PCDHA1: variants seen among roughly 807,000 people sequenced by gnomAD.
PCDHA1 encodes protocadherin alpha 1.
In PCDHA1, 42 loss-of-function variants were observed where a neutral mutation model predicts 61.3. The ratio of observed to expected loss-of-function variants is 0.69; its 90% CI spans 0.54 to 0.89. The LOEUF (loss-of-function observed/expected upper bound fraction) is 0.89. Among genes scored for constraint, PCDHA1 ranks in the 40% least tolerant of loss-of-function variants. The pLI, the probability that PCDHA1 is intolerant of heterozygous loss-of-function variation, is 0.00. For missense variants in PCDHA1, 1,256 were observed against 1,235.3 expected (o/e 1.02, Z -0.25); for synonymous variants, 610 against 553.8 (o/e 1.10, Z -1.43).
intron 1 of PCDHA1, chr5:140,968,123 C>T (rs782499744): frequency 1.1e-5 from 17 of 1,614,058 alleles, no homozygotes; most frequent in Admixed American, 3.3e-5. Context: ...CACATCCCTG[C>T]GTACACTGAA....
intron 1 of PCDHA1, chr5:140,823,401 G>GT: frequency 1.2e-6 from 2 of 1,613,022 alleles, no homozygotes; most frequent in Non-Finnish European, 1.7e-6. Flanking sequence ...CGGGCGTGCC[G>GT]CCTCTGGGCA....
chr5:140,807,584 T>G (rs76522243), intron 1 of PCDHA1: 118 of 1,614,014 alleles, frequency 7.3e-5, no homozygotes, highest in Non-Finnish European at 1.0e-4. Flanking sequence ...CCCGCCGGTG[T>G]TCCCAGCAAC....
intron 1 of PCDHA1, chr5:140,928,746 C>G (rs782813323): frequency 1.2e-6 from 2 of 1,614,012 alleles, no homozygotes; most frequent in Non-Finnish European, 1.7e-6. Flanking sequence ...TAGGTGAGCT[C>G]CGTACTGCTC....
At chr5:140,890,313 G>T (rs1191082730) in intron 1 of PCDHA1, among the ~76,000 whole-genome samples, 2 of 152,112 alleles carry the variant, frequency 1.3e-5, no homozygotes, top group South Asian at 2.1e-4. Context: ...ATATTAAGTT[G>T]TTTTAAGATA....
chr5:140,933,503 AAAGACT>A (rs2089194435), intron 1 of PCDHA1, among the ~76,000 whole-genome samples: 1 of 152,098 alleles, frequency 6.6e-6, no homozygotes, highest in Non-Finnish European at 1.5e-5. Flanking sequence ...ATTGTTAAGC[AAAGACT>A]ACAGCTGTTT....
chr5:140,890,341 T>C (rs2062601372), intron 1 of PCDHA1, among the ~76,000 whole-genome samples: 1 of 152,190 alleles, frequency 6.6e-6, no homozygotes, highest in Non-Finnish European at 1.5e-5. Context: ...GTTGGGATGG[T>C]TTACTATATA....
At chr5:140,841,094 G>C in intron 1 of PCDHA1, 1 of 568,882 alleles carries the variant, frequency 1.8e-6, no homozygotes, top group Non-Finnish European at 3.0e-6. Context: ...GAAGAACCCA[G>C]ATATTGCGGA....
chr5:140,955,726 C>T (rs934215613), intron 1 of PCDHA1, among the ~76,000 whole-genome samples: 1 of 152,264 alleles, frequency 6.6e-6, no homozygotes, highest in East Asian at 1.9e-4. Context: ...ACCATTGAAT[C>T]TATAAATTAC....
intron 1 of PCDHA1, chr5:140,822,877 A>T (rs1554128927): frequency 1.9e-6 from 3 of 1,614,196 alleles, no homozygotes; most frequent in Admixed American, 1.7e-5. Context: ...CAGCACGGTC[A>T]TTGCTCTGAT....
intron 1 of PCDHA1, chr5:140,834,434 T>A: frequency 6.2e-7 from 1 of 1,610,706 alleles, no homozygotes; most frequent in Non-Finnish European, 8.5e-7. Context: ...TACTGCTGTT[T>A]ATTATAATTC....
chr5:140,924,895 AAAAAAAAAAATAAAATAAAAT>A (rs1361418672), intron 1 of PCDHA1, among the ~76,000 whole-genome samples: 1,915 of 132,218 alleles, frequency 0.014, 23 homozygotes, highest in Admixed American at 0.024. Context: ...AACCTGTCTC[AAAAAAAAAAATAAAATAAAAT>A]AAAATAAAAT....
At chr5:140,927,598 T>G (rs2084398863) in intron 1 of PCDHA1, 1 of 1,614,046 alleles carries the variant, frequency 6.2e-7, no homozygotes, top group African/African-American at 1.3e-5. Flanking sequence ...ATTTGAGCGC[T>G]CCGTATACCG....
rs1342030965 is a variant in PCDHA1 at position 140,955,208 on chromosome 5, C to G, written c.2395-23741C>G. ...GGTGTATATGAAGTCAATCAAGTAG[C>G]ATGATGCCTCCAGCTTTGTTCTTTT... On this transcript the variant is annotated intron_variant, in intron 1 of 3. Transcript: ENST00000504120. 2.6e-5 allele frequency among the ~76,000 whole-genome samples: 4 copies of G among 152,140 alleles called. No individual in the cohort carries two copies. In the East Asian group the frequency reaches 7.7e-4, roughly 29 times the overall value.
At chr5:140,855,766 C>T in intron 1 of PCDHA1, 2 of 379,872 alleles carry the variant, frequency 5.3e-6, no homozygotes, top group South Asian at 9.3e-5. Flanking sequence ...AGTCCATAGA[C>T]ATAAAAATAC....
At chr5:140,827,753 TTTAAA>T (rs1769386712) in intron 1 of PCDHA1, among the ~76,000 whole-genome samples, 1 of 152,340 alleles carries the variant, frequency 6.6e-6, no homozygotes, top group South Asian at 2.1e-4. Context: ...GATCCCTTAC[TTTAAA>T]TTAATAAAAG....
chr5:140,824,218 A>T, intron 1 of PCDHA1: 1 of 1,564,370 alleles, frequency 6.4e-7, no homozygotes. Flanking sequence ...TTTAAAAATT[A>T]TGTCTTAGTA....
intron 1 of PCDHA1, among the ~76,000 whole-genome samples, chr5:140,873,862 T>A (rs188055479): frequency 4.1e-4 from 62 of 152,308 alleles, no homozygotes; most frequent in Admixed American, 1.1e-3. Context: ...GTTTTCACCA[T>A]GTTGGCCAGG....
chr5:140,972,758 A>G lies in PCDHA1; in HGVS notation c.2395-6191A>G, dbSNP rs563540989. Among the ~76,000 whole-genome samples, 16 of 150,884 alleles carry G rather than the reference A, an allele frequency of 1.1e-4. No individual in the cohort carries two copies. In the South Asian group the frequency reaches 3.4e-3, roughly 32 times the overall value. On this transcript the variant is annotated intron_variant, in intron 1 of 3. Transcript: ENST00000504120. ...GGCTCACTGCAACCTCCGCCTCCCA[A>G]GTTAAAGTGATTCTTCTGCCTCAGC...
In PCDHA1 at chr5:140,787,503, T is replaced by G; in HGVS notation, c.1213T>G (p.Tyr405Asp). 1 of 1,614,212 alleles carries G rather than the reference T, an allele frequency of 6.2e-7. No homozygotes were observed. The highest frequency in any genetic ancestry group is 8.5e-7 in the Non-Finnish European group (1 of 1,180,028). The part of the protein sequence containing the change: ...FKLVSTFKNY[Y>D]SLVLDSALDR... ...GCTGGTGTCCACCTTCAAGAATTAC[T>G]ACTCGTTGGTGTTGGACAGCGCCCT... The change falls in exon 1 of 4, where the codon TAC becomes GAC. Residue 405 changes from tyrosine to aspartate, a missense_variant. Coordinates refer to ENST00000504120, the MANE Select transcript of PCDHA1 (RefSeq NM_018900.4).
Sources: gnomAD v4.1 joint callset for allele counts (sites outside exome capture counted in the v4.1 genomes callset) on GRCh38, gnomAD v4.1.1 for gene constraint, MANE v1.5 for transcripts, NCBI Gene and HGNC (gene_info 2026-07-23, HGNC 2026-07-21) for gene names.